The following TGM4 variants were observed in gnomAD, a reference collection of about 807,000 sequenced individuals.
TGM4 encodes protein-glutamine gamma-glutamyltransferase 4.
TGM4 carries 61 observed loss-of-function variants against 76.3 expected under a neutral mutation model. That is an observed-to-expected ratio of 0.80 (90% CI 0.65 to 0.99). The LOEUF is 0.99. Among genes scored for constraint, TGM4 ranks in the 50% least tolerant of loss-of-function variants. The probability of loss-of-function intolerance (pLI) is 0.00; values close to 1 mark genes in which losing one functional copy is unlikely to be tolerated. For synonymous variants in TGM4, 337 were observed against 329.8 expected, an observed-to-expected ratio of 1.02 and a Z score of -0.24; for missense variants, 794 against 843.2, an observed-to-expected ratio of 0.94 and a Z score of 0.72.
chr3:44,893,852 G>A (rs1699737983), intron 5 of TGM4, among the ~76,000 whole-genome samples, 157 bp downstream of exon 5: 1 of 151,836 alleles, frequency 6.6e-6, no homozygotes, highest in African/African-American at 2.4e-5. Context: ...GGGGTGACCT[G>A]CCTAGGCTGC....
chr3:44,886,242 G>A (rs568747809), intron 2 of TGM4, among the ~76,000 whole-genome samples: 3 of 97,126 alleles, frequency 3.1e-5, no homozygotes, highest in African/African-American at 1.2e-4. Context: ...TATTCGGGAG[G>A]CTGAGGTAGA....
At chr3:44,909,131 C>G (rs1194523295) in intron 10 of TGM4, among the ~76,000 whole-genome samples, 1 of 152,214 alleles carries the variant, frequency 6.6e-6, no homozygotes, top group East Asian at 1.9e-4. Flanking sequence ...TTCCTTGAAT[C>G]ATTAAGACTC....
intron 5 of TGM4, among the ~76,000 whole-genome samples, chr3:44,895,274 G>A (rs1008831219): frequency 3.9e-5 from 6 of 152,104 alleles, no homozygotes; most frequent in Non-Finnish European, 7.4e-5. Context: ...CAGCCTGAGC[G>A]ACAGAGTGAG....
chr3:44,892,172 C>T (rs111513008), intron 4 of TGM4, among the ~76,000 whole-genome samples: 13,558 of 150,894 alleles, frequency 0.09, 696 homozygotes, highest in South Asian at 0.17. Context: ...GCAGGAGAAT[C>T]GCTTGAACCT....
At chr3:44,893,945 A>ACCCCCCCTGGCTCTCTCCCT (rs1699740253) in intron 5 of TGM4, among the ~76,000 whole-genome samples, 1 of 49,714 alleles carries the variant, frequency 2.0e-5, no homozygotes, top group African/African-American at 8.5e-5. Context: ...GCTCTCTCCC[A>ACCCCCCCTGGCTCTCTCCCT]CCCCCCACAG....
intron 1 of TGM4, 131 bp downstream of exon 1, chr3:44,874,828 G>A: frequency 9.6e-7 from 1 of 1,036,564 alleles, no homozygotes; most frequent in Non-Finnish European, 1.4e-6. Context: ...GGTGCTGCTT[G>A]CTTTCTGTCT....
chr3:44,907,235 C>T (rs779214499), intron 10 of TGM4, 35 bp downstream of exon 10: 3 of 1,605,486 alleles, frequency 1.9e-6, no homozygotes, highest in Middle Eastern at 1.7e-4. Flanking sequence ...TGACTCAGCC[C>T]CTGAGTCACC....
At chr3:44,907,574 C>T (rs1699942435) in intron 10 of TGM4, among the ~76,000 whole-genome samples, 1 of 152,156 alleles carries the variant, frequency 6.6e-6, no homozygotes, top group Non-Finnish European at 1.5e-5. Context: ...CCCCAGTGCC[C>T]AGTAAATTAG....
intron 6 of TGM4, among the ~76,000 whole-genome samples, chr3:44,898,303 C>T (rs1466585533): frequency 2.0e-5 from 3 of 148,576 alleles, no homozygotes; most frequent in African/African-American, 4.9e-5. Context: ...AAAAAAGAAG[C>T]GGGGCGGGGG....
intron 6 of TGM4, among the ~76,000 whole-genome samples, chr3:44,898,222 A>G (rs563770970): frequency 6.7e-6 from 1 of 149,604 alleles, no homozygotes; most frequent in South Asian, 2.2e-4. Context: ...CAGAGGTTGC[A>G]GTGAGCCAAG....
intron 13 of TGM4, among the ~76,000 whole-genome samples, chr3:44,912,802 A>G (rs1385582377): frequency 6.6e-6 from 1 of 152,094 alleles, no homozygotes; most frequent in Non-Finnish European, 1.5e-5. Context: ...CTTGCACGTT[A>G]TTAGTTGGGT....
chr3:44,909,548 G>A (rs965880926), intron 10 of TGM4, among the ~76,000 whole-genome samples: 1 of 152,120 alleles, frequency 6.6e-6, no homozygotes, highest in Non-Finnish European at 1.5e-5. Context: ...CCAGGGAATC[G>A]CCCTTAGGTC....
chr3:44,880,472 C>A (rs533821007), intron 1 of TGM4, among the ~76,000 whole-genome samples: 1 of 152,122 alleles, frequency 6.6e-6, no homozygotes, highest in African/African-American at 2.4e-5. Flanking sequence ...CACAAGCACT[C>A]TGGGAAGGAG....
chr3:44,910,908 TG>T (rs746010863), intron 11 of TGM4, 49 bp from the exon 12 acceptor site: 18 of 1,583,378 alleles, frequency 1.1e-5, no homozygotes, highest in Admixed American at 5.1e-5. Flanking sequence ...GAACTCATAC[TG>T]GGGGGGTATG....
Position 44,893,663 on chromosome 3 carries a change from A to G in TGM4, c.517A>G (p.Ser173Gly). 5.6e-6 allele frequency: 9 copies of G among 1,613,926 alleles called. No individual in the cohort carries two copies. The highest frequency in any genetic ancestry group is 6.8e-6 in the Non-Finnish European group (8 of 1,179,874). ...TGCHYVGAAR[S>G]IKCKPWNFGQ... ...CTGCCATTACGTGGGGGCTGCCAGA[A>G]GTATCAAATGCAAACCCTGGAACTT... The change falls in exon 5 of 14, where the codon AGT (serine) becomes GGT (glycine). Residue 173 changes from serine (S) to glycine (G), a missense_variant. By Grantham distance (56) the Ser-to-Gly change is moderately conservative. Coordinates refer to ENST00000296125, the MANE Select transcript of TGM4 (RefSeq NM_003241.4).
chr3:44,900,159 C>T (rs766411108), intron 6 of TGM4, among the ~76,000 whole-genome samples: 47 of 152,322 alleles, frequency 3.1e-4, no homozygotes, highest in African/African-American at 9.4e-4. Context: ...TCCCTATCTC[C>T]GCCCTCCCCT....
intron 1 of TGM4, among the ~76,000 whole-genome samples, chr3:44,880,346 C>T (rs908511713): frequency 6.6e-6 from 1 of 152,206 alleles, no homozygotes; most frequent in Non-Finnish European, 1.5e-5. Context: ...TGCCTATGAG[C>T]CAAGGACAAC....
chr3:44,878,543 C>T (rs9683355), intron 1 of TGM4, among the ~76,000 whole-genome samples: 30,444 of 150,390 alleles, frequency 0.2, 3,223 homozygotes, highest in Middle Eastern at 0.26. Context: ...AGCACAGTGA[C>T]GTGATCTCGG....
At position 44,887,276 on chromosome 3, in the gene TGM4, G is replaced by A. The variant is rs186762482; in HGVS notation, c.194-413G>A. Among the ~76,000 whole-genome samples the A allele has an allele frequency of 2.0e-4, 30 of 152,336 alleles. No homozygotes were observed. In the East Asian group the frequency reaches 4.6e-3, roughly 23 times the overall value. ...TCCTGCAACAGCTTGCAGGGTAGGC[G>A]GTGGCATCTGCCTCCTCCAGACGAG... On this transcript the variant is annotated intron_variant, in intron 2 of 13. Transcript: ENST00000296125.
Sources: allele counts gnomAD v4.1 joint callset (sites outside exome capture counted in the v4.1 genomes callset), GRCh38; gene constraint gnomAD v4.1.1; transcripts MANE v1.5; gene names NCBI Gene and HGNC (gene_info 2026-07-23, HGNC 2026-07-21).